CHD6: variants seen among roughly 807,000 people sequenced by gnomAD.
The protein encoded by CHD6 is ATP-dependent chromatin remodeler CHD6.
Under a neutral mutation model 276.9 loss-of-function variants are expected in CHD6, and 50 were observed. The ratio of observed to expected loss-of-function variants is 0.18; its 90% CI spans 0.14 to 0.23. The LOEUF (loss-of-function observed/expected upper bound fraction) is 0.23. CHD6 is among the 10% of genes least tolerant of loss of function. CHD6 has a pLI of 1.00. For missense variants in CHD6, 2,564 were observed against 3,365.8 expected (o/e 0.76, Z 5.89); for synonymous variants, 1,173 against 1,229.3 (o/e 0.95, Z 0.96).
intron 1 of CHD6, among the ~76,000 whole-genome samples, chr20:41,554,066 T>TC (rs144404580): frequency 4.7e-4 from 71 of 152,214 alleles, no homozygotes; most frequent in African/African-American, 1.7e-3. Context: ...AGGAGGATCA[T>TC]CTGAGTCTGG....
intron 17 of CHD6, among the ~76,000 whole-genome samples, chr20:41,466,806 T>C (rs962088723): frequency 6.6e-6 from 1 of 152,208 alleles, no homozygotes; most frequent in African/African-American, 2.4e-5. Flanking sequence ...CTGACTCTTG[T>C]ACAGGGCAGC....
intron 4 of CHD6, among the ~76,000 whole-genome samples, chr20:41,513,289 T>C (rs2044165139): frequency 6.6e-6 from 1 of 152,124 alleles, no homozygotes; most frequent in Admixed American, 6.5e-5. Flanking sequence ...CGGTAGTGAC[T>C]TTCCCCCTTT....
At chr20:41,598,797 T>G (rs1318322797) in intron 1 of CHD6, among the ~76,000 whole-genome samples, 1 of 152,166 alleles carries the variant, frequency 6.6e-6, no homozygotes, top group Non-Finnish European at 1.5e-5. Context: ...CCCTTGTTCA[T>G]CCCCAAGCAG....
At chr20:41,420,299 T>C (rs532994746) in intron 31 of CHD6, among the ~76,000 whole-genome samples, 2 of 152,292 alleles carry the variant, frequency 1.3e-5, no homozygotes, top group South Asian at 2.1e-4. Flanking sequence ...CAAACTGCTA[T>C]GATTGTCTAT....
At chr20:41,601,530 T>G (rs1292283205) in intron 1 of CHD6, among the ~76,000 whole-genome samples, 1 of 152,210 alleles carries the variant, frequency 6.6e-6, no homozygotes, top group Non-Finnish European at 1.5e-5. Context: ...GGAGACTAAA[T>G]GACTCAAAGA....
At chr20:41,582,164 GTAGT>G (rs773837736) in intron 1 of CHD6, among the ~76,000 whole-genome samples, 1 of 152,102 alleles carries the variant, frequency 6.6e-6, no homozygotes, top group Non-Finnish European at 1.5e-5. Context: ...CACCTAAAAT[GTAGT>G]TAAAGAATCT....
chr20:41,519,673 C>T (rs959554565), intron 3 of CHD6, among the ~76,000 whole-genome samples: 10 of 152,046 alleles, frequency 6.6e-5, no homozygotes, highest in Non-Finnish European at 1.5e-4. Flanking sequence ...CAAAATTAAT[C>T]CAAGATGGAT....
chr20:41,417,152 TG>T, intron 32 of CHD6, 45 bp downstream of exon 32: 1 of 1,555,006 alleles, frequency 6.4e-7, no homozygotes, highest in Non-Finnish European at 8.7e-7. Flanking sequence ...AATTCAAAGC[TG>T]GGAATGGTTT....
chr20:41,510,314 G>T (rs1182903689), intron 5 of CHD6, among the ~76,000 whole-genome samples: 1 of 152,142 alleles, frequency 6.6e-6, no homozygotes, highest in Non-Finnish European at 1.5e-5. Flanking sequence ...ACAGTTTTAA[G>T]TGGAGCTGTT....
intron 1 of CHD6, among the ~76,000 whole-genome samples, chr20:41,570,346 G>C (rs929674494): frequency 4.6e-5 from 7 of 152,178 alleles, no homozygotes; most frequent in South Asian, 2.1e-4. Flanking sequence ...CTCAAAGAGA[G>C]GAATATAAAA....
At chr20:41,551,192 A>C (rs1046409904) in intron 2 of CHD6, 113 bp downstream of exon 2, 8 of 725,440 alleles carry the variant, frequency 1.1e-5, no homozygotes, top group African/African-American at 3.6e-5. Context: ...AATACAGGCA[A>C]CAGGGAAAGT....
intron 27 of CHD6, among the ~76,000 whole-genome samples, chr20:41,433,238 A>G (rs1275170106): frequency 6.6e-6 from 1 of 152,222 alleles, no homozygotes; most frequent in Non-Finnish European, 1.5e-5. Flanking sequence ...CATTTAGCAA[A>G]AGACAGAAAT....
intron 3 of CHD6, among the ~76,000 whole-genome samples, chr20:41,523,471 C>G (rs2044452509): frequency 6.6e-6 from 1 of 152,130 alleles, no homozygotes; most frequent in Admixed American, 6.5e-5. Flanking sequence ...AAAGTACCTA[C>G]TATGCATTTA....
chr20:41,483,517 C>A lies in CHD6; in HGVS notation c.2260G>T (p.Ala754Ser). 1.2e-6 allele frequency: 2 copies of A among 1,608,746 alleles called. No individual in the cohort carries two copies. The highest frequency in any genetic ancestry group is 1.7e-6 in the Non-Finnish European group (2 of 1,177,080). ...AAATCTTCTAGAATTTTCTCCTCTG[C>A]TCCTGAAAAGGAATGGAACAAAACT... is the stretch of plus-strand genomic sequence containing the variant. ...CCNHPYLING[A>S]EEKILEDFRK... The change falls in exon 16 of 37, where the codon GCA becomes TCA. Residue 754 changes from alanine (A) to serine (S), a missense_variant and splice_region_variant. Ala to Ser is a moderately conservative substitution (Grantham distance 99). Coordinates refer to ENST00000373233, the MANE Select transcript of CHD6 (RefSeq NM_032221.5).
intron 2 of CHD6, among the ~76,000 whole-genome samples, chr20:41,538,413 T>C (rs1434186887): frequency 3.3e-5 from 5 of 152,106 alleles, no homozygotes; most frequent in Admixed American, 6.6e-5. Flanking sequence ...ACACCATGGA[T>C]AGACCTTGAA....
At chr20:41,431,951 G>C (rs2047554966) in intron 27 of CHD6, among the ~76,000 whole-genome samples, 2 of 151,914 alleles carry the variant, frequency 1.3e-5, no homozygotes, top group African/African-American at 4.8e-5. Flanking sequence ...CTGAGGTCAG[G>C]AGTTCGAGAC....
intron 1 of CHD6, among the ~76,000 whole-genome samples, chr20:41,600,845 G>A (rs2045766186): frequency 6.6e-6 from 1 of 152,190 alleles, no homozygotes; most frequent in South Asian, 2.1e-4. Flanking sequence ...GAGTTGCAGT[G>A]TGCCTACAGG....
chr20:41,554,207 T>C (rs1448464391), intron 1 of CHD6, among the ~76,000 whole-genome samples: 2 of 152,110 alleles, frequency 1.3e-5, no homozygotes, highest in South Asian at 4.1e-4. Context: ...AAATTACTTT[T>C]GTAATGTATA....
At chr20:41,506,971 G>C (rs2043991260) in intron 5 of CHD6, among the ~76,000 whole-genome samples, 1 of 152,226 alleles carries the variant, frequency 6.6e-6, no homozygotes, top group Non-Finnish European at 1.5e-5. Context: ...GCACTTGGGT[G>C]AATTAGAAGA....
Sources: gnomAD v4.1 joint callset for allele counts (sites outside exome capture counted in the v4.1 genomes callset) on GRCh38, gnomAD v4.1.1 for gene constraint, MANE v1.5 for transcripts, NCBI Gene and HGNC (gene_info 2026-07-23, HGNC 2026-07-21) for gene names.